The following KDM2B variants were observed in gnomAD, a reference collection of about 807,000 sequenced individuals.
KDM2B encodes lysine demethylase 2B.
In KDM2B, 26 loss-of-function variants were observed where a neutral mutation model predicts 150.0. The observed-to-expected ratio is 0.17, with a 90% CI of 0.13 to 0.24. KDM2B has a LOEUF of 0.24. Among genes scored for constraint, KDM2B ranks in the 10% least tolerant of loss-of-function variants. The pLI, the probability that KDM2B is intolerant of heterozygous loss-of-function variation, is 1.00. For missense variants in KDM2B, 1,265 were observed against 1,816.9 expected (o/e 0.70, Z 5.52); for synonymous variants, 734 against 729.5 (o/e 1.01, Z -0.10).
chr12:121,414,253 G>A, the KDM2B span, among the ~76,000 whole-genome samples: 2 of 152,160 alleles, frequency 1.3e-5, no homozygotes, highest in South Asian at 2.1e-4. Flanking sequence ...CAGCTATCTC[G>A]ACTTCCATTA....
chr12:121,473,467 C>G (rs1555296212), intron 12 of KDM2B, among the ~76,000 whole-genome samples: 1 of 151,670 alleles, frequency 6.6e-6, no homozygotes, highest in Non-Finnish European at 1.5e-5. Context: ...GCCTGTAATC[C>G]CAGCACTTTG....
In KDM2B at chr12:121,442,964, G is replaced by A. The variant is rs782288354; in HGVS notation, c.2604+28C>T. The stretch of plus-strand genomic sequence containing the variant: ...GTGCAGCTCTAACCGCTCAGGCCTG[G>A]GGCACAGGAGGGAGGGGAAGATGGT... On this transcript the variant is annotated intron_variant, in intron 18 of 22. Coordinates refer to ENST00000377071, the MANE Select transcript of KDM2B (RefSeq NM_032590.5). The surrounding 1 kb of genome is among the most constrained non-coding windows in gnomAD (Gnocchi z 7.7). 16 of 1,612,206 alleles carry A rather than the reference G, an allele frequency of 9.9e-6. No individual in the cohort carries two copies. The highest frequency in any genetic ancestry group is 8.5e-7 in the Non-Finnish European group (1 of 1,179,114).
chr12:121,434,188 CATAA>C (rs1197940494), intron 22 of KDM2B, among the ~76,000 whole-genome samples: 2 of 151,812 alleles, frequency 1.3e-5, no homozygotes, highest in African/African-American at 4.8e-5. Context: ...TTCATTCATT[CATAA>C]ATAAAGCACG....
In KDM2B at chr12:121,513,167, T is replaced by C. The variant is rs1594007723; in HGVS notation, c.1174+109A>G. ...GTTCCTAGGATTCTGCCCAATACAC[T>C]GATTCAACGAATCCCCAAAACTCAG... On this transcript the variant is annotated intron_variant, in intron 10 of 22. Coordinates refer to ENST00000377071, the MANE Select transcript of KDM2B (RefSeq NM_032590.5). The surrounding 1 kb of genome is among the most constrained non-coding windows in gnomAD (Gnocchi z 5.0). 1 of 1,305,914 alleles carries C rather than the reference T, an allele frequency of 7.7e-7. No homozygotes were observed. Among genetic ancestry groups the C allele is most frequent in the Non-Finnish European group, 1.1e-6 (1 of 932,910 alleles). 80.9% of individuals were successfully genotyped at this position (1,305,914 alleles called of 1,614,324 possible).
At chr12:121,581,097 T>C, upstream of KDM2B, 2 of 711,612 alleles carry the variant, frequency 2.8e-6, no homozygotes, top group South Asian at 4.9e-5. Flanking sequence ...TCATTCATTC[T>C]GCCCGCCTCT....
chr12:121,450,834 C>G (rs1213468508), intron 13 of KDM2B, among the ~76,000 whole-genome samples: 1 of 146,226 alleles, frequency 6.8e-6, no homozygotes, highest in East Asian at 2.0e-4. Flanking sequence ...GCACTCCAGC[C>G]TGGGTGACAG....
At chr12:121,512,643 G>A (rs569676555) in intron 10 of KDM2B, among the ~76,000 whole-genome samples, 1 of 152,284 alleles carries the variant, frequency 6.6e-6, no homozygotes, top group Non-Finnish European at 1.5e-5. Context: ...ATTGCTGGTC[G>A]GGGCTTGCAG....
Position 121,453,437 on chromosome 12 carries a change from C to T in KDM2B, c.1735-93G>A, listed in dbSNP as rs535358521. Reference sequence around the variant, plus strand: ...TGTTAGGGAGCAAACTGTGTACCCCCAGAAAGACACGATGGGGGCTCTAAA... The same window carrying T: ...TGTTAGGGAGCAAACTGTGTACCCCTAGAAAGACACGATGGGGGCTCTAAA... On this transcript the variant is annotated intron_variant, in intron 12 of 22. Coordinates refer to ENST00000377071, the MANE Select transcript of KDM2B (RefSeq NM_032590.5). The surrounding 1 kb of genome is among the most constrained non-coding windows in gnomAD (Gnocchi z 6.4). 6.7e-5 allele frequency: 61 copies of T among 912,344 alleles called. No individual in the cohort carries two copies. The African/African-American group carries it at 9.7e-4, about 14-fold the overall frequency. 56.5% of individuals were successfully genotyped at this position (912,344 alleles called of 1,614,324 possible).
intron 9 of KDM2B, among the ~76,000 whole-genome samples, chr12:121,514,738 A>T (rs1315812109): frequency 2.1e-5 from 3 of 140,200 alleles, no homozygotes; most frequent in Non-Finnish European, 4.7e-5. Flanking sequence ...CACTCCCCTA[A>T]TCGCACTCAC....
chr12:121,451,740 C>T (rs1215352091), intron 13 of KDM2B, among the ~76,000 whole-genome samples: 2 of 151,918 alleles, frequency 1.3e-5, no homozygotes, highest in Admixed American at 6.6e-5. Flanking sequence ...GATGAAGCCC[C>T]GTCTGTACTA....
In KDM2B at chr12:121,521,233, C is replaced by T; in HGVS notation, c.932-133G>A. On this transcript the variant is annotated intron_variant, in intron 8 of 22. Coordinates refer to ENST00000377071, the MANE Select transcript of KDM2B (RefSeq NM_032590.5). The surrounding 1 kb of genome is among the most constrained non-coding windows in gnomAD (Gnocchi z 4.9). The stretch of plus-strand genomic sequence containing the variant: ...GGAGAAGAGCAGCCAGGGCCTGGGG[C>T]AGCGGCGCCCAGCAATGCCTGCTGC... 1.6e-6 allele frequency: 1 copy of T among 618,986 alleles called. No homozygotes were observed. 38.3% of individuals were successfully genotyped at this position (618,986 alleles called of 1,614,324 possible).
At chr12:121,535,779 C>T (rs1555308622) in intron 6 of KDM2B, among the ~76,000 whole-genome samples, 1 of 152,134 alleles carries the variant, frequency 6.6e-6, no homozygotes, top group African/African-American at 2.4e-5. Flanking sequence ...GCAGAAACAC[C>T]CAGGGCTCCC....
At chr12:121,445,103 T>C in intron 14 of KDM2B, 172 bp downstream of exon 14, 1 of 666,886 alleles carries the variant, frequency 1.5e-6, no homozygotes, top group South Asian at 1.9e-5. Context: ...GTCTCTGAGG[T>C]ACTCCAGGCC....
At chr12:121,503,605 C>A (rs1555302478) in intron 11 of KDM2B, among the ~76,000 whole-genome samples, 1 of 151,942 alleles carries the variant, frequency 6.6e-6, no homozygotes, top group Non-Finnish European at 1.5e-5. Flanking sequence ...AGTCACTGTG[C>A]ACAGCCTAAA....
intron 4 of KDM2B, among the ~76,000 whole-genome samples, chr12:121,573,126 A>ATTTTAT (rs1555316258): frequency 3.0e-5 from 4 of 134,466 alleles, no homozygotes; most frequent in South Asian, 4.8e-4. Flanking sequence ...GCCCGGCCTA[A>ATTTTAT]TTTTTTTTTT....
intron 8 of KDM2B, chr12:121,524,861 C>T: frequency 3.6e-6 from 1 of 275,212 alleles, no homozygotes; most frequent in East Asian, 1.1e-4. Flanking sequence ...AGATGGGAAG[C>T]CAGTGATACA....
In KDM2B at chr12:121,455,235, G is replaced by A. The variant is rs187293107; in HGVS notation, c.1735-1891C>T. The stretch of plus-strand genomic sequence containing the variant: ...CAAAGAGGAAAGGGAGGTGCTCCCC[G>A]GCTCTACCACCCTCATCTCCCACTG... On this transcript the variant is annotated intron_variant, in intron 12 of 22. Coordinates refer to ENST00000377071, the MANE Select transcript of KDM2B (RefSeq NM_032590.5). Among the ~76,000 whole-genome samples the A allele has an allele frequency of 5.1e-4, 77 of 152,224 alleles. 1 individual carries two copies. The highest frequency in any genetic ancestry group is 4.0e-3 in the Admixed American group (61 of 15,286).
intron 12 of KDM2B, among the ~76,000 whole-genome samples, chr12:121,475,695 A>G (rs1234699959): frequency 1.3e-5 from 2 of 152,006 alleles, no homozygotes; most frequent in African/African-American, 4.8e-5. Flanking sequence ...AGAGTTTGAG[A>G]CCAGCCTGGG....
At chr12:121,565,290 A>G (rs1890619107) in intron 4 of KDM2B, among the ~76,000 whole-genome samples, 1 of 151,950 alleles carries the variant, frequency 6.6e-6, no homozygotes, top group Non-Finnish European at 1.5e-5. Flanking sequence ...ATGACAAAAC[A>G]AGATTTCATT....
Sources: gnomAD v4.1 joint callset for allele counts (sites outside exome capture counted in the v4.1 genomes callset) on GRCh38, gnomAD v4.1.1 for gene constraint, Gnocchi (gnomAD v3.1) non-coding constraint, MANE v1.5 for transcripts, NCBI Gene and HGNC (gene_info 2026-07-23, HGNC 2026-07-21) for gene names.